FBF1: variants seen among roughly 807,000 people sequenced by gnomAD.
FBF1 encodes the protein Fas binding factor 1.
Under a neutral mutation model 147.2 loss-of-function variants are expected in FBF1, and 119 were observed. The ratio of observed to expected loss-of-function variants is 0.81; its 90% CI spans 0.70 to 0.94. The LOEUF is 0.94. Ranked by LOEUF, FBF1 falls within the 40% of genes least tolerant of loss-of-function variation. The pLI is 0.00. For missense variants in FBF1, 1,449 were observed against 1,500.8 expected, an observed-to-expected ratio of 0.97 and a Z score of 0.57; for synonymous variants, 601 against 609.0, an observed-to-expected ratio of 0.99 and a Z score of 0.19.
Position 75,933,018 on chromosome 17 carries a change from G to T in FBF1, c.144C>A (p.Phe48Leu), listed in dbSNP as rs200223805. 6.2e-7 allele frequency: 1 copy of T among 1,603,138 alleles called. No individual in the cohort carries two copies. The highest frequency in any genetic ancestry group is 1.1e-5 in the South Asian group (1 of 90,446). Residue 48 changes from phenylalanine to leucine, a missense_variant, in exon 5 of 30, where the codon TTC (phenylalanine) becomes TTA (leucine). Coordinates refer to ENST00000636174, the MANE Select transcript of FBF1 (RefSeq NM_001319193.2). ...ACTTTGTTCTCGCCTTTGAAGAAGG[G>T]AACATCTGAGATACACCTGTGGTGT... ...TRDTTGVSQM[F>L]PSSKARTKSL...
At chr17:75,934,801 C>T (rs1598162081) in intron 4 of FBF1, among the ~76,000 whole-genome samples, 1 of 150,810 alleles carries the variant, frequency 6.6e-6, no homozygotes, top group Admixed American at 6.6e-5. Flanking sequence ...ATTGCTTGAA[C>T]CTGGGAGGTG....
chr17:75,934,157 G>A (rs1444130716), intron 4 of FBF1, among the ~76,000 whole-genome samples: 1 of 152,000 alleles, frequency 6.6e-6, no homozygotes, highest in Non-Finnish European at 1.5e-5. Context: ...CTGATGAAGG[G>A]ATTAAACAAA....
rs749694843 is a variant in FBF1, at chr17:75,910,117, G to A, written c.*606C>T. The A allele has an allele frequency of 2.6e-5, 13 of 508,072 alleles. No homozygotes were observed. Among genetic ancestry groups the A allele is most frequent in the East Asian group, 1.9e-4 (4 of 21,140 alleles). 31.5% of individuals were successfully genotyped at this position (508,072 alleles called of 1,614,324 possible). A position where few individuals can be genotyped will look rare whatever the true frequency, so the allele number is the denominator to read the frequency against. On this transcript the variant is annotated 3_prime_UTR_variant, in exon 30 of 30. Coordinates refer to ENST00000636174, the MANE Select transcript of FBF1 (RefSeq NM_001319193.2). This position sits in a 1 kb window ranked among gnomAD's most constrained non-coding sequence, Gnocchi z 4.1. ...GTTCACCCAAACTGGTTGGTCCTTC[G>A]GGCAATGCTGGGAATAGGGTGGGGG...
At chr17:75,929,417 C>T (rs2065581314) in intron 7 of FBF1, among the ~76,000 whole-genome samples, 1 of 152,110 alleles carries the variant, frequency 6.6e-6, no homozygotes, top group South Asian at 2.1e-4. Context: ...GTCCTAGGGA[C>T]TGTGGCAAAA....
rs936569259 is a variant in FBF1 at position 75,918,809 on chromosome 17, T to C, written c.2139-540A>G. ...GCCCGGCCCCAAGCAGTCTTTCTTT[T>C]TTTTTTTTTTTTTCCTAGAGATGAG... On this transcript the variant is annotated intron_variant, in intron 20 of 29. Transcript: ENST00000636174. The surrounding 1 kb of genome is among the most constrained non-coding windows in gnomAD (Gnocchi z 5.8). Among the ~76,000 whole-genome samples the C allele has an allele frequency of 6.7e-5, 10 of 149,920 alleles. No homozygotes were observed. The highest frequency in any genetic ancestry group is 2.1e-4 in the South Asian group (1 of 4,746).
intron 23 of FBF1, among the ~76,000 whole-genome samples, chr17:75,917,386 A>G (rs981009729): frequency 5.3e-5 from 8 of 152,280 alleles, no homozygotes; most frequent in African/African-American, 1.9e-4. Context: ...ATCTGTCCCA[A>G]TGTCAGGCCT....
chr17:75,926,104 G>A lies in FBF1; in HGVS notation c.794C>T (p.Thr265Ile). ...GGTGCCCGGGCGGGCCAGGAGTTTG[G>A]TGGCCATGCCTCGACCCAGCAGCTC... ...LDELLGRGMA[T>I]KLLARPGTGE... The change falls in exon 12 of 30, where the codon ACC (threonine) becomes ATC (isoleucine). Residue 265 changes from threonine (T) to isoleucine (I), a missense_variant. Physicochemically the swap from Thr to Ile is moderately conservative, Grantham distance 89 (BLOSUM62 -1). Transcript: ENST00000636174. The A allele has an allele frequency of 3.1e-6, 5 of 1,611,978 alleles. No individual in the cohort carries two copies. The highest frequency in any genetic ancestry group is 4.2e-6 in the Non-Finnish European group (5 of 1,179,552).
chr17:75,920,242 C>T, intron 18 of FBF1, 32 bp downstream of exon 18: 1 of 1,599,538 alleles, frequency 6.3e-7, no homozygotes, highest in East Asian at 2.2e-5. Flanking sequence ...CGCAACCCTG[C>T]CACCAGCACC....
Position 75,923,256 on chromosome 17 carries a change from T to C in FBF1, c.1354A>G (p.Arg452Gly). 3 of 1,589,942 alleles carry C rather than the reference T, an allele frequency of 1.9e-6. No homozygotes were observed. Among genetic ancestry groups the C allele is most frequent in the Non-Finnish European group, 2.6e-6 (3 of 1,168,586 alleles). The change falls in exon 14 of 30, where the codon AGA becomes GGA. Residue 452 changes from arginine (R) to glycine (G), a missense_variant. Arg to Gly is a moderately radical substitution (Grantham distance 125). Transcript: ENST00000636174. The surrounding 1 kb of genome is among the most constrained non-coding windows in gnomAD (Gnocchi z 4.1). ...TCAGAGGTCCCAGCATGCTGCTCTCTGGCCAGGCCTTGGGACTTCTTCCGA... is the reference window on the plus strand; with the variant it reads ...TCAGAGGTCCCAGCATGCTGCTCTCCGGCCAGGCCTTGGGACTTCTTCCGA... ...LSRKKSQGLA[R>G]EQHAGTSEGL...
chr17:75,922,146 C>T lies in FBF1; in HGVS notation c.1425-100G>A, dbSNP rs2065531959. ...GGGCTTCACACGTGAAGCTCGTGGC[C>T]CCCCTTCCTCCTGCTTCCACCATCC... On this transcript the variant is annotated intron_variant, in intron 14 of 29. Coordinates refer to ENST00000636174, the MANE Select transcript of FBF1 (RefSeq NM_001319193.2). This position sits in a 1 kb window ranked among gnomAD's most constrained non-coding sequence, Gnocchi z 5.0. 3 of 935,280 alleles carry T rather than the reference C, an allele frequency of 3.2e-6. No individual in the cohort carries two copies. Among genetic ancestry groups the T allele is most frequent in the Non-Finnish European group, 4.9e-6 (3 of 614,962 alleles). The allele number at this position is 935,280 out of a possible 1,614,324, so 57.9% of individuals were successfully genotyped here.
At chr17:75,912,476 C>T (rs537050337) in intron 28 of FBF1, among the ~76,000 whole-genome samples, 169 bp from the exon 29 acceptor site, 1 of 152,246 alleles carries the variant, frequency 6.6e-6, no homozygotes, top group Non-Finnish European at 1.5e-5. Flanking sequence ...CATACCTGCT[C>T]CTACCTGGAA....
chr17:75,911,799 C>A (rs1051873211), intron 29 of FBF1, among the ~76,000 whole-genome samples: 1 of 152,100 alleles, frequency 6.6e-6, no homozygotes, highest in Non-Finnish European at 1.5e-5. Context: ...GTGTGAGCCA[C>A]GCACCTGGTC....
Position 75,923,692 on chromosome 17 carries a change from G to A in FBF1, c.969-51C>T. On this transcript the variant is annotated intron_variant, in intron 13 of 29. Coordinates refer to ENST00000636174, the MANE Select transcript of FBF1 (RefSeq NM_001319193.2). This position sits in a 1 kb window ranked among gnomAD's most constrained non-coding sequence, Gnocchi z 4.1. ...GGCAGGGGAAACAGCCAGTCCCAGT[G>A]GCCCCCTAGCAGCCTGCAGCTGGGC... 1 of 1,495,328 alleles carries A rather than the reference G, an allele frequency of 6.7e-7. No individual in the cohort carries two copies. Among genetic ancestry groups the A allele is most frequent in the Non-Finnish European group, 9.0e-7 (1 of 1,113,214 alleles). The allele number at this position is 1,495,328 out of a possible 1,614,324, so 92.6% of individuals were successfully genotyped here. A position where few individuals can be genotyped will look rare whatever the true frequency, so the allele number is the denominator to read the frequency against.
Position 75,923,187 on chromosome 17 carries a change from T to G in FBF1, c.1423A>C (p.Ser475Arg). 6.3e-7 allele frequency: 1 copy of G among 1,577,476 alleles called. No homozygotes were observed. Among genetic ancestry groups the G allele is most frequent in the Non-Finnish European group, 8.6e-7 (1 of 1,162,234 alleles). The part of the protein sequence containing the change: ...AGTAGHPPSG[S>R]QPLTSTQGLE... ...AGCCACAGCAGCCTAAGTCAGTACCTGCCAGAAGGGGGATGGCCCGCTGTC... is the reference window on the plus strand; with the variant it reads ...AGCCACAGCAGCCTAAGTCAGTACCGGCCAGAAGGGGGATGGCCCGCTGTC... The change falls in exon 14 of 30, where the codon AGC becomes CGC. Residue 475 changes from serine to arginine, a missense_variant and splice_region_variant. Physicochemically the swap from Ser to Arg is moderately radical, Grantham distance 110 (BLOSUM62 -1). Coordinates refer to ENST00000636174, the MANE Select transcript of FBF1 (RefSeq NM_001319193.2). The surrounding 1 kb of genome is among the most constrained non-coding windows in gnomAD (Gnocchi z 4.1).
At chr17:75,914,469 A>G in intron 25 of FBF1, 171 bp from the exon 26 acceptor site, 1 of 1,051,552 alleles carries the variant, frequency 9.5e-7, no homozygotes. Flanking sequence ...CTGCCCTCAC[A>G]AGCCACGTGA....
chr17:75,931,436 G>A (rs2065594160), intron 5 of FBF1, 147 bp from the exon 6 acceptor site: 1 of 651,990 alleles, frequency 1.5e-6, no homozygotes, highest in Non-Finnish European at 2.6e-6. Flanking sequence ...CAGGCCACCT[G>A]ATGCAGTGAT....
In FBF1 at chr17:75,928,964, T is replaced by TACAGGAGTAA. The variant is rs1488365662; in HGVS notation, c.280-781_280-772dup. ...CCATGGCCTCCCAAAGTGCTGGCAT[T>TACAGGAGTAA]ACAGGAGTAAGCCACCATGCCAGAC... On this transcript the variant is annotated intron_variant, in intron 7 of 29. Transcript: ENST00000636174. This position sits in a 1 kb window ranked among gnomAD's most constrained non-coding sequence, Gnocchi z 4.2. Among the ~76,000 whole-genome samples the TACAGGAGTAA allele has an allele frequency of 6.6e-6, 1 of 151,382 alleles. No homozygotes were observed. The highest frequency in any genetic ancestry group is 1.9e-4 in the East Asian group (1 of 5,136).
intron 9 of FBF1, 25 bp from the exon 10 acceptor site, chr17:75,926,902 G>A (rs2065565508): frequency 1.3e-6 from 2 of 1,598,520 alleles, no homozygotes; most frequent in Non-Finnish European, 8.5e-7. Flanking sequence ...GAAAGCACAG[G>A]TCAGACTGCA....
At chr17:75,932,696 A>C (rs2065601213) in intron 5 of FBF1, among the ~76,000 whole-genome samples, 1 of 151,990 alleles carries the variant, frequency 6.6e-6, no homozygotes, top group Non-Finnish European at 1.5e-5. Flanking sequence ...GACCAGCCTG[A>C]CCAATATGGT....
Sources: allele counts gnomAD v4.1 joint callset (sites outside exome capture counted in the v4.1 genomes callset), GRCh38; gene constraint gnomAD v4.1.1; non-coding constraint Gnocchi (gnomAD v3.1); transcripts MANE v1.5; gene names NCBI Gene and HGNC (gene_info 2026-07-23, HGNC 2026-07-21).